NEO1: variants seen among roughly 807,000 people sequenced by gnomAD.
NEO1 encodes the protein neogenin 1, also known as neogenin.
In NEO1, 63 loss-of-function variants were observed where a neutral mutation model predicts 159.7. That is an observed-to-expected ratio of 0.39 (90% CI 0.32 to 0.49). The LOEUF is 0.49. Among genes scored for constraint, NEO1 ranks in the 20% least tolerant of loss-of-function variants. The probability of loss-of-function intolerance (pLI) is 0.85; values close to 1 mark genes in which losing one functional copy is unlikely to be tolerated. For missense variants in NEO1, 1,615 were observed against 1,831.0 expected (o/e 0.88, Z 2.15); for synonymous variants, 633 against 662.0 (o/e 0.96, Z 0.67).
At chr15:73,079,404 G>A (rs1047256109) in intron 1 of NEO1, among the ~76,000 whole-genome samples, 20 of 152,210 alleles carry the variant, frequency 1.3e-4, no homozygotes, top group African/African-American at 4.6e-4. Flanking sequence ...TATTTTTACT[G>A]CGTTATAGTT....
At chr15:73,064,954 T>C (rs1206950648) in intron 1 of NEO1, among the ~76,000 whole-genome samples, 1 of 152,124 alleles carries the variant, frequency 6.6e-6, no homozygotes, top group Non-Finnish European at 1.5e-5. Context: ...CTTTCTCTCT[T>C]TTCCTGCCTT....
At chr15:73,192,024 C>T (rs1049286152) in intron 7 of NEO1, among the ~76,000 whole-genome samples, 16 of 151,886 alleles carry the variant, frequency 1.1e-4, no homozygotes, top group Non-Finnish European at 2.1e-4. Flanking sequence ...TGATTCTCTG[C>T]CTTCATAGTG....
chr15:73,119,346 C>A (rs559006974), intron 2 of NEO1, among the ~76,000 whole-genome samples: 2 of 152,216 alleles, frequency 1.3e-5, no homozygotes, highest in African/African-American at 4.8e-5. Flanking sequence ...TGGTTGCAAG[C>A]AGTAGAAACT....
intron 1 of NEO1, among the ~76,000 whole-genome samples, chr15:73,097,420 G>A (rs2070116733): frequency 6.9e-6 from 1 of 144,498 alleles, no homozygotes; most frequent in African/African-American, 2.6e-5. Flanking sequence ...GAGTGCAGTG[G>A]TGCAGTCTTG....
intron 6 of NEO1, 39 bp from the exon 7 acceptor site, chr15:73,178,268 A>G (rs763908359): frequency 8.2e-6 from 13 of 1,581,570 alleles, no homozygotes; most frequent in South Asian, 1.1e-5. Flanking sequence ...GTATTTATCA[A>G]TTAAATTATG....
intron 28 of NEO1, 51 bp downstream of exon 28, chr15:73,301,508 A>G (rs1272568403): frequency 7.4e-6 from 12 of 1,611,912 alleles, no homozygotes; most frequent in African/African-American, 1.3e-5. Context: ...AACATGCCCC[A>G]GGGCCTGAGA....
At chr15:73,198,309 C>G (rs2036655669) in intron 7 of NEO1, among the ~76,000 whole-genome samples, 1 of 152,050 alleles carries the variant, frequency 6.6e-6, no homozygotes, top group Non-Finnish European at 1.5e-5. Context: ...GCTATAATTT[C>G]TACTTTCTTG....
At chr15:73,237,809 C>T (rs1024799696) in intron 8 of NEO1, among the ~76,000 whole-genome samples, 4 of 152,334 alleles carry the variant, frequency 2.6e-5, no homozygotes, top group Admixed American at 2.6e-4. Flanking sequence ...TTTGAAATCT[C>T]ATTGAAAATC....
intron 25 of NEO1, among the ~76,000 whole-genome samples, chr15:73,289,551 C>T (rs1287222653): frequency 6.6e-6 from 1 of 152,190 alleles, no homozygotes; most frequent in Non-Finnish European, 1.5e-5. Context: ...AGCTTCCCTC[C>T]TCCAGACTAG....
chr15:73,183,777 T>A (rs1406293717), intron 7 of NEO1, among the ~76,000 whole-genome samples: 1 of 152,036 alleles, frequency 6.6e-6, no homozygotes, highest in Non-Finnish European at 1.5e-5. Context: ...AGAGAGAAAC[T>A]CTCTGGCTCC....
chr15:73,108,090 T>C (rs1186783327), intron 1 of NEO1, among the ~76,000 whole-genome samples: 1 of 152,358 alleles, frequency 6.6e-6, no homozygotes. Flanking sequence ...GAAACAATTC[T>C]TATATATTTC....
At chr15:73,064,157 A>G (rs959131263) in intron 1 of NEO1, among the ~76,000 whole-genome samples, 2 of 152,228 alleles carry the variant, frequency 1.3e-5, no homozygotes, top group African/African-American at 4.8e-5. Flanking sequence ...CAGCCTTGTT[A>G]GTAATTGAAA....
chr15:73,097,642 C>T lies in NEO1; in HGVS notation c.131-18898C>T, dbSNP rs1045516932. ...TCCCAAAGTGCTGGGATTACAGGCG[C>T]GAGCCACTATGCCCAGCCCAGAGCC... is the stretch of plus-strand genomic sequence containing the variant. On this transcript the variant is annotated intron_variant, in intron 1 of 28. Coordinates refer to ENST00000261908, the MANE Select transcript of NEO1 (RefSeq NM_002499.4). 1.8e-3 allele frequency among the ~76,000 whole-genome samples: 274 copies of T among 151,486 alleles called. 1 individual carries two copies. The highest frequency in any genetic ancestry group is 6.3e-3 in the African/African-American group (262 of 41,472).
At chr15:73,280,874 T>G (rs1165560382) in intron 22 of NEO1, among the ~76,000 whole-genome samples, 1 of 152,064 alleles carries the variant, frequency 6.6e-6, no homozygotes, top group Non-Finnish European at 1.5e-5. Context: ...TCCGGCGTTG[T>G]GGAAGGGATT....
intron 7 of NEO1, among the ~76,000 whole-genome samples, chr15:73,204,746 T>C (rs2037115721): frequency 6.6e-6 from 1 of 152,236 alleles, no homozygotes; most frequent in South Asian, 2.1e-4. Context: ...CCAACATCTT[T>C]GTCTTTTTCT....
intron 9 of NEO1, among the ~76,000 whole-genome samples, chr15:73,244,954 C>CAAAAAAAAAAAAAAAAAAAAA (rs57566986): frequency 5.4e-4 from 9 of 16,522 alleles, no homozygotes; most frequent in Admixed American, 2.1e-3. Flanking sequence ...GACTCTGTCT[C>CAAAAAAAAAAAAAAAAAAAAA]AAAAAAAAAA....
intron 4 of NEO1, among the ~76,000 whole-genome samples, chr15:73,127,160 G>C (rs1378069255): frequency 6.6e-6 from 1 of 151,516 alleles, no homozygotes; most frequent in Non-Finnish European, 1.5e-5. Flanking sequence ...TAACCCAGGA[G>C]GCGAAGGTTG....
At chr15:73,295,604 G>T (rs921406706) in intron 26 of NEO1, among the ~76,000 whole-genome samples, 1 of 152,142 alleles carries the variant, frequency 6.6e-6, no homozygotes, top group African/African-American at 2.4e-5. Context: ...GAGAGGCCAT[G>T]CTTTGATGAC....
Position 73,302,634 on chromosome 15 carries a change from A to G in NEO1, c.4324A>G (p.Thr1442Ala), listed in dbSNP as rs2042667052. Residue 1442 changes from threonine (T) to alanine (A), a missense_variant, in exon 29 of 29, where the codon ACC becomes GCC. Thr to Ala is a moderately conservative substitution (Grantham distance 58, BLOSUM62 0). Around this residue, in one of 3 missense-constraint regions of NEO1, gnomAD observed 471 missense variants for 498.9 expected, o/e 0.94. Coordinates refer to ENST00000261908, the MANE Select transcript of NEO1 (RefSeq NM_002499.4). ...SESSYEPDEL[T>A]KEMAHLEGLM... ...ATAGAGCTATGAACCAGATGAGCTG[A>G]CCAAAGAGATGGCCCACCTGGAAGG... The G allele has an allele frequency of 6.2e-7, 1 of 1,613,972 alleles. No individual in the cohort carries two copies. Among genetic ancestry groups the G allele is most frequent in the Non-Finnish European group, 8.5e-7 (1 of 1,179,980 alleles).
Sources: allele counts gnomAD v4.1 joint callset (sites outside exome capture counted in the v4.1 genomes callset), GRCh38; gene constraint gnomAD v4.1.1; regional missense constraint gnomAD v4.1.1; transcripts MANE v1.5; gene names NCBI Gene and HGNC (gene_info 2026-07-23, HGNC 2026-07-21).